Variants in DTNA observed in about 807,000 individuals in gnomAD.
The protein encoded by DTNA is dystrobrevin alpha.
DTNA carries 43 observed loss-of-function variants against 100.7 expected under a neutral mutation model. The observed-to-expected ratio is 0.43, with a 90% CI of 0.33 to 0.55. The LOEUF (loss-of-function observed/expected upper bound fraction) is 0.55, where lower values mean the gene tolerates loss of function less well. DTNA is among the 20% of genes least tolerant of loss of function. The pLI, the probability that DTNA is intolerant of heterozygous loss-of-function variation, is 0.04. For synonymous variants in DTNA, 349 were observed against 347.9 expected (o/e 1.00, Z -0.04); for missense variants, 798 against 953.9 (o/e 0.84, Z 2.15).
At chr18:34,508,886 A>G (rs897016705) in intron 1 of DTNA, among the ~76,000 whole-genome samples, 1 of 152,026 alleles carries the variant, frequency 6.6e-6, no homozygotes, top group Non-Finnish European at 1.5e-5. Flanking sequence ...CACTTTTTTG[A>G]AAATGTCTTT....
chr18:34,888,892 C>G lies in DTNA; in HGVS notation c.*1158C>G. ...TCTGAATGTTGATTGCCTTAGCTGG[C>G]CACCTGGTGTTCTGCATGTAGCCTT... is the stretch of plus-strand genomic sequence containing the variant. On this transcript the variant is annotated 3_prime_UTR_variant, in exon 23 of 23. Transcript: ENST00000444659. The G allele has an allele frequency of 8.1e-6, 8 of 985,868 alleles. No individual in the cohort carries two copies. Among genetic ancestry groups the G allele is most frequent in the Non-Finnish European group, 9.6e-6 (8 of 829,952 alleles). 61.1% of individuals were successfully genotyped at this position (985,868 alleles called of 1,614,324 possible).
intron 18 of DTNA, among the ~76,000 whole-genome samples, chr18:34,877,170 A>C (rs1342345627): frequency 6.6e-6 from 1 of 152,246 alleles, no homozygotes; most frequent in Non-Finnish European, 1.5e-5. Context: ...CATTCAGTGC[A>C]TGTGGGTTTC....
At chr18:34,606,800 G>A (rs1190850213) in intron 1 of DTNA, among the ~76,000 whole-genome samples, 1 of 152,096 alleles carries the variant, frequency 6.6e-6, no homozygotes. Flanking sequence ...GGTGTGCAGA[G>A]GAGATACCCA....
At chr18:34,751,321 C>T (rs192596629) in intron 1 of DTNA, among the ~76,000 whole-genome samples, 3 of 152,224 alleles carry the variant, frequency 2.0e-5, no homozygotes, top group Non-Finnish European at 4.4e-5. Context: ...TGGACTCTTC[C>T]GTTAGTCGTG....
chr18:34,609,449 T>G (rs1350518417), intron 1 of DTNA, among the ~76,000 whole-genome samples: 1 of 152,078 alleles, frequency 6.6e-6, no homozygotes, highest in African/African-American at 2.4e-5. Context: ...TTTCACCGTG[T>G]TAGCCAGGAT....
intron 1 of DTNA, among the ~76,000 whole-genome samples, chr18:34,605,290 A>G (rs551907498): frequency 7.9e-5 from 12 of 152,258 alleles, no homozygotes; most frequent in African/African-American, 2.2e-4. Context: ...TTTGTAAAAA[A>G]ACAAAAACTT....
chr18:34,600,264 T>A (rs774890399), intron 1 of DTNA, among the ~76,000 whole-genome samples: 8 of 152,176 alleles, frequency 5.3e-5, no homozygotes, highest in Non-Finnish European at 1.2e-4. Context: ...AACACATTTA[T>A]TTGCATAAAT....
At chr18:34,658,869 A>G (rs957426904) in intron 1 of DTNA, among the ~76,000 whole-genome samples, 1 of 152,212 alleles carries the variant, frequency 6.6e-6, no homozygotes. Context: ...TCTTAATAAA[A>G]TGGCCAGAAT....
chr18:34,585,935 C>T (rs2049090486), intron 1 of DTNA, among the ~76,000 whole-genome samples: 1 of 152,112 alleles, frequency 6.6e-6, no homozygotes, highest in South Asian at 2.1e-4. Flanking sequence ...AACATGAATG[C>T]CATGAATACT....
intron 1 of DTNA, among the ~76,000 whole-genome samples, chr18:34,543,381 T>A (rs1242350396): frequency 6.6e-6 from 1 of 152,004 alleles, no homozygotes; most frequent in Admixed American, 6.6e-5. Flanking sequence ...ACACAATAGA[T>A]CAAAATGTGT....
At chr18:34,495,636 A>G (rs994938474) in intron 1 of DTNA, among the ~76,000 whole-genome samples, 2 of 152,208 alleles carry the variant, frequency 1.3e-5, no homozygotes, top group Non-Finnish European at 2.9e-5. Context: ...TCTTTCAACT[A>G]TCAGTGATTA....
chr18:34,514,202 C>A (rs1054346771), intron 1 of DTNA, among the ~76,000 whole-genome samples: 1 of 151,942 alleles, frequency 6.6e-6, no homozygotes, highest in Non-Finnish European at 1.5e-5. Context: ...CACATCAGCT[C>A]TTTGTGTGCA....
chr18:34,827,464 T>C, intron 9 of DTNA, 129 bp from the exon 10 acceptor site: 1 of 830,648 alleles, frequency 1.2e-6, no homozygotes, highest in Non-Finnish European at 2.1e-6. Flanking sequence ...AAATATAAGA[T>C]TTCTTGTTGA....
chr18:34,596,226 G>C (rs2050580307), intron 1 of DTNA, among the ~76,000 whole-genome samples: 1 of 151,962 alleles, frequency 6.6e-6, no homozygotes, highest in Non-Finnish European at 1.5e-5. Flanking sequence ...TTTTTGTTTT[G>C]TTTTGTTTTG....
At chr18:34,818,087 C>A in intron 7 of DTNA, 77 bp from the exon 8 acceptor site, 1 of 1,611,278 alleles carries the variant, frequency 6.2e-7, no homozygotes, top group African/African-American at 1.3e-5. Context: ...AGGTGCAATT[C>A]CTGTAAGGCT....
At chr18:34,672,953 G>A (rs2076951916) in intron 1 of DTNA, among the ~76,000 whole-genome samples, 1 of 151,994 alleles carries the variant, frequency 6.6e-6, no homozygotes, top group African/African-American at 2.4e-5. Context: ...TAAAAGGAGA[G>A]TTACTTTGAT....
chr18:34,559,631 T>G (rs540331126), intron 1 of DTNA, among the ~76,000 whole-genome samples: 21 of 152,338 alleles, frequency 1.4e-4, no homozygotes, highest in African/African-American at 5.1e-4. Flanking sequence ...GCTCATATAA[T>G]GAAGAGCTTT....
At chr18:34,724,719 C>T (rs2086191490) in intron 1 of DTNA, among the ~76,000 whole-genome samples, 1 of 152,276 alleles carries the variant, frequency 6.6e-6, no homozygotes, top group Middle Eastern at 3.4e-3. Flanking sequence ...CTAAACACTT[C>T]CCACTAGGCC....
chr18:34,760,820 A>G (rs930533466), intron 2 of DTNA, among the ~76,000 whole-genome samples: 2 of 152,196 alleles, frequency 1.3e-5, no homozygotes, highest in African/African-American at 4.8e-5. Flanking sequence ...CACGCACACT[A>G]CTACATTTTG....
Sources: gnomAD v4.1 joint callset for allele counts (sites outside exome capture counted in the v4.1 genomes callset) on GRCh38, gnomAD v4.1.1 for gene constraint, MANE v1.5 for transcripts, NCBI Gene and HGNC (gene_info 2026-07-23, HGNC 2026-07-21) for gene names.